The following ABCC1 variants were observed in gnomAD, a reference collection of about 807,000 sequenced individuals.
ABCC1 encodes the protein ATP binding cassette subfamily C member 1 (ABCC1 blood group).
ABCC1 carries 83 observed loss-of-function variants against 172.9 expected under a neutral mutation model. The ratio of observed to expected loss-of-function variants is 0.48; its 90% CI spans 0.40 to 0.58. ABCC1 has a LOEUF of 0.58. Ranked by LOEUF, ABCC1 falls within the 20% of genes least tolerant of loss-of-function variation. The probability of loss-of-function intolerance (pLI) is 0.00; values close to 1 mark genes in which losing one functional copy is unlikely to be tolerated. For synonymous variants in ABCC1, 937 were observed against 825.2 expected, an observed-to-expected ratio of 1.14 and a Z score of -2.32; for missense variants, 1,817 against 2,002.7, an observed-to-expected ratio of 0.91 and a Z score of 1.77.
rs183264775 is a variant in ABCC1 at position 16,122,240 on chromosome 16, G to C, written c.3590+66G>C. On this transcript the variant is annotated intron_variant, in intron 24 of 30. Coordinates refer to ENST00000399410, the MANE Select transcript of ABCC1 (RefSeq NM_004996.4). ...CCTTAGCACCTTGTCTCTTTGCCTCGATCTTTTCCTCGCACCTTGAGCTGG... is the reference window on the plus strand; with the variant it reads ...CCTTAGCACCTTGTCTCTTTGCCTCCATCTTTTCCTCGCACCTTGAGCTGG... 2,979 of 1,564,450 alleles carry C rather than the reference G, an allele frequency of 1.9e-3. 4 individuals carry two copies. The highest frequency in any genetic ancestry group is 2.3e-3 in the Non-Finnish European group (2,680 of 1,140,696).
intron 1 of ABCC1, among the ~76,000 whole-genome samples, chr16:15,964,068 C>T (rs1197321499): frequency 5.3e-5 from 8 of 152,140 alleles, no homozygotes; most frequent in South Asian, 2.1e-4. Flanking sequence ...CTCAGCATCC[C>T]GAGTAGCTGG....
At chr16:16,136,425 A>G (rs939577438) in intron 28 of ABCC1, 53 bp from the exon 29 acceptor site, 10 of 1,596,680 alleles carry the variant, frequency 6.3e-6, no homozygotes, top group Admixed American at 3.4e-5. Flanking sequence ...GCCTCCATCC[A>G]TGTCAGCGTG....
At position 16,053,774 on chromosome 16, in the gene ABCC1, CAAAAAAAAAAAAAAAAAAAAAAAAAAA is replaced by C. The variant is rs10526186; in HGVS notation, c.1473+972_1473+998del. 1.3e-3 allele frequency among the ~76,000 whole-genome samples: 46 copies of C among 36,222 alleles called. 2 individuals are homozygous for C. In the South Asian group the frequency reaches 0.049, roughly 38 times the overall value. 23.8% of individuals were successfully genotyped at this position (36,222 alleles called of 152,430 possible). On this transcript the variant is annotated intron_variant, in intron 11 of 30. Coordinates refer to ENST00000399410, the MANE Select transcript of ABCC1 (RefSeq NM_004996.4). ...TGCACAACAGAGTGAGACCCTGTCT[CAAAAAAAAAAAAAAAAAAAAAAAAAAA>C]AAAAAAAAAAAAAGTTTAAATCGTA... is the stretch of plus-strand genomic sequence containing the variant.
chr16:16,095,698 TG>T (rs1464259500), intron 19 of ABCC1, among the ~76,000 whole-genome samples: 2 of 152,166 alleles, frequency 1.3e-5, no homozygotes, highest in African/African-American at 4.8e-5. Context: ...TATATTTTTA[TG>T]TTTTTTTATG....
Position 16,039,219 on chromosome 16 carries a change from GTGTGTGTGTGTGTGTATGTA to G in ABCC1, c.809+2632_809+2651del, listed in dbSNP as rs2048872877. ...TAACCGAGGAAGCTTTTGTGTGTGT[GTGTGTGTGTGTGTGTATGTA>G]TGTGTGTGTGTGTGTGTGTGTGTTT... On this transcript the variant is annotated intron_variant, in intron 7 of 30. Transcript: ENST00000399410. Among the ~76,000 whole-genome samples the G allele has an allele frequency of 3.6e-5, 5 of 137,330 alleles. No individual in the cohort carries two copies. The South Asian group carries it at 9.0e-4, about 25-fold the overall frequency. The allele number at this position is 137,330 out of a possible 152,430, so 90.1% of individuals were successfully genotyped here.
At chr16:15,978,980 A>G (rs1009553493) in intron 1 of ABCC1, among the ~76,000 whole-genome samples, 2 of 152,170 alleles carry the variant, frequency 1.3e-5, no homozygotes, top group African/African-American at 4.8e-5. Flanking sequence ...ATTAATAGCA[A>G]CAGGAGAAAA....
intron 19 of ABCC1, among the ~76,000 whole-genome samples, chr16:16,095,515 C>A (rs546193329): frequency 6.6e-6 from 1 of 152,310 alleles, no homozygotes; most frequent in Non-Finnish European, 1.5e-5. Context: ...CGAATTCCCC[C>A]TTACCCTGCC....
chr16:16,095,341 C>T (rs1334541005), intron 19 of ABCC1: 4 of 152,210 alleles, frequency 2.6e-5, no homozygotes. Flanking sequence ...GAACCTAATA[C>T]CTAGAGCAGT....
intron 1 of ABCC1, among the ~76,000 whole-genome samples, chr16:15,996,243 A>G (rs1158201838): frequency 1.3e-5 from 2 of 151,972 alleles, no homozygotes; most frequent in Admixed American, 1.3e-4. Context: ...TCAGCCTCCC[A>G]AAGTGCTGGG....
chr16:15,979,148 G>T (rs1301538154), intron 1 of ABCC1, among the ~76,000 whole-genome samples: 3 of 151,942 alleles, frequency 2.0e-5, no homozygotes, highest in Non-Finnish European at 4.4e-5. Flanking sequence ...AAAATTAGTT[G>T]GGTGTGGTGG....
At chr16:16,051,192 CAG>C (rs1324959379) in intron 10 of ABCC1, among the ~76,000 whole-genome samples, 1 of 151,326 alleles carries the variant, frequency 6.6e-6, no homozygotes, top group East Asian at 1.9e-4. Flanking sequence ...TTTTAAGGGA[CAG>C]AGTCTTGCTC....
rs1048087247 is a variant in ABCC1 at position 16,134,572 on chromosome 16, G to T, written c.4125+64G>T. The T allele has an allele frequency of 3.2e-6, 5 of 1,550,376 alleles. No individual in the cohort carries two copies. In the African/African-American group the frequency reaches 6.8e-5, roughly 21 times the overall value. Reference sequence around the variant, plus strand: ...GGCAAGCCCTATGATTGCACTGACAGTGGTGTATGTATATTTTTGGGGCAA... The same window carrying T: ...GGCAAGCCCTATGATTGCACTGACATTGGTGTATGTATATTTTTGGGGCAA... On this transcript the variant is annotated intron_variant, in intron 28 of 30. Coordinates refer to ENST00000399410, the MANE Select transcript of ABCC1 (RefSeq NM_004996.4).
intron 30 of ABCC1, among the ~76,000 whole-genome samples, chr16:16,139,284 G>A (rs1273126497): frequency 1.3e-5 from 2 of 151,528 alleles, no homozygotes; most frequent in African/African-American, 2.4e-5. Context: ...GGCCCAGTGC[G>A]TGGGGCCCAC....
intron 12 of ABCC1, 22 bp from the exon 13 acceptor site, chr16:16,068,134 G>C: frequency 6.2e-7 from 1 of 1,613,758 alleles, no homozygotes; most frequent in Non-Finnish European, 8.5e-7. Flanking sequence ...ACAGCAGTCA[G>C]CACTGGGCGT....
chr16:16,081,640 G>T (rs1051964005), intron 16 of ABCC1, among the ~76,000 whole-genome samples: 2 of 152,176 alleles, frequency 1.3e-5, no homozygotes, highest in African/African-American at 4.8e-5. Context: ...ATTCAAGTCA[G>T]CAGGTTAATT....
At chr16:16,129,226 C>T (rs2045574208) in intron 26 of ABCC1, among the ~76,000 whole-genome samples, 1 of 152,174 alleles carries the variant, frequency 6.6e-6, no homozygotes, top group African/African-American at 2.4e-5. Context: ...AACCATGAGG[C>T]ACCTTTGCAT....
intron 10 of ABCC1, 114 bp downstream of exon 10, chr16:16,048,417 C>T (rs983684475): frequency 3.7e-5 from 46 of 1,231,938 alleles, no homozygotes; most frequent in East Asian, 2.2e-4. Context: ...CTGGCAGTTC[C>T]GGCTGTGGTT....
At chr16:16,049,027 G>A (rs1279866499) in intron 10 of ABCC1, among the ~76,000 whole-genome samples, 2 of 152,024 alleles carry the variant, frequency 1.3e-5, no homozygotes, top group Non-Finnish European at 2.9e-5. Flanking sequence ...GGGAACTTTG[G>A]GGCTGCATGT....
intron 1 of ABCC1, among the ~76,000 whole-genome samples, chr16:15,984,628 T>A (rs2046703231): frequency 6.6e-6 from 1 of 151,996 alleles, no homozygotes; most frequent in African/African-American, 2.4e-5. Context: ...GTATCTTTAG[T>A]AGAGATTGGG....
Sources: allele counts gnomAD v4.1 joint callset (sites outside exome capture counted in the v4.1 genomes callset), GRCh38; gene constraint gnomAD v4.1.1; transcripts MANE v1.5; gene names NCBI Gene and HGNC (gene_info 2026-07-23, HGNC 2026-07-21).